CAMK1D: variants seen among roughly 807,000 people sequenced by gnomAD.
CAMK1D encodes the protein calcium/calmodulin dependent protein kinase ID, also known as calcium/calmodulin-dependent protein kinase type 1D.
Under a neutral mutation model 47.7 loss-of-function variants are expected in CAMK1D, and 9 were observed. That is an observed-to-expected ratio of 0.19 (90% CI 0.11 to 0.33). The LOEUF (loss-of-function observed/expected upper bound fraction) is 0.33, where lower values mean the gene tolerates loss of function less well. CAMK1D is among the 10% of genes least tolerant of loss of function. CAMK1D has a pLI of 1.00. For synonymous variants in CAMK1D, 184 were observed against 184.9 expected (o/e 0.99, Z 0.04); for missense variants, 291 against 488.7 (o/e 0.60, Z 3.81).
chr10:12,559,700 C>T (rs771320081), intron 2 of CAMK1D, among the ~76,000 whole-genome samples: 4 of 152,152 alleles, frequency 2.6e-5, no homozygotes, highest in African/African-American at 9.7e-5. Flanking sequence ...GGAGCAGGCA[C>T]CAGCCACTGA....
intron 1 of CAMK1D, among the ~76,000 whole-genome samples, chr10:12,503,351 A>T (rs1834765907): frequency 4.6e-5 from 7 of 152,216 alleles, no homozygotes; most frequent in Admixed American, 2.0e-4. Context: ...GACATGAGTG[A>T]ACGTAAAACA....
chr10:12,606,953 T>C (rs1417813473), intron 2 of CAMK1D, among the ~76,000 whole-genome samples: 1 of 152,088 alleles, frequency 6.6e-6, no homozygotes, highest in East Asian at 1.9e-4. Flanking sequence ...TCAGCCTCCC[T>C]AGTAGCTGGG....
At chr10:12,708,020 G>T (rs933519021) in intron 3 of CAMK1D, among the ~76,000 whole-genome samples, 1 of 152,178 alleles carries the variant, frequency 6.6e-6, no homozygotes, top group Non-Finnish European at 1.5e-5. Flanking sequence ...AAGAGTGACC[G>T]AGGCAGCATT....
intron 1 of CAMK1D, among the ~76,000 whole-genome samples, chr10:12,521,513 A>G (rs890870821): frequency 7.2e-5 from 11 of 152,182 alleles, no homozygotes; most frequent in African/African-American, 2.7e-4. Flanking sequence ...AGTTTGATTT[A>G]TATATGTAGT....
chr10:12,534,296 G>A (rs887877356), intron 1 of CAMK1D, among the ~76,000 whole-genome samples: 16 of 151,214 alleles, frequency 1.1e-4, no homozygotes, highest in African/African-American at 3.6e-4. Context: ...TGCAACCTCC[G>A]CCTCCCAGGT....
At chr10:12,422,884 G>T (rs1319327475) in intron 1 of CAMK1D, among the ~76,000 whole-genome samples, 2 of 152,010 alleles carry the variant, frequency 1.3e-5, no homozygotes, top group Non-Finnish European at 2.9e-5. Context: ...TGTTGATCAG[G>T]CTGGTTTCGA....
chr10:12,652,111 G>C (rs1019569937), intron 2 of CAMK1D, among the ~76,000 whole-genome samples: 1 of 152,090 alleles, frequency 6.6e-6, no homozygotes, highest in Non-Finnish European at 1.5e-5. Flanking sequence ...TCTTCTCTTT[G>C]TATTTGAAAA....
At chr10:12,574,768 G>A (rs1172242321) in intron 2 of CAMK1D, among the ~76,000 whole-genome samples, 1 of 152,090 alleles carries the variant, frequency 6.6e-6, no homozygotes, top group Non-Finnish European at 1.5e-5. Flanking sequence ...CAAACATAGA[G>A]GCTTCTGCTT....
At chr10:12,443,634 T>TA (rs916447555) in intron 1 of CAMK1D, among the ~76,000 whole-genome samples, 45 of 152,156 alleles carry the variant, frequency 3.0e-4, no homozygotes, top group African/African-American at 1.1e-3. Context: ...TATTTTATTT[T>TA]TTTTTTTATT....
chr10:12,691,900 GTAAATTACATCC>G (rs1832947199), intron 3 of CAMK1D, among the ~76,000 whole-genome samples: 1 of 152,206 alleles, frequency 6.6e-6, no homozygotes, highest in South Asian at 2.1e-4. Flanking sequence ...GTTATTACTT[GTAAATTACATCC>G]TATGGTATAA....
chr10:12,789,801 A>G (rs1406402053), intron 5 of CAMK1D, among the ~76,000 whole-genome samples: 1 of 117,320 alleles, frequency 8.5e-6, no homozygotes, highest in Non-Finnish European at 2.2e-5. Context: ...TCAGAATCCA[A>G]CAAGTACTTT....
At chr10:12,708,225 A>G (rs1358210496) in intron 3 of CAMK1D, among the ~76,000 whole-genome samples, 1 of 152,166 alleles carries the variant, frequency 6.6e-6, no homozygotes, top group Non-Finnish European at 1.5e-5. Flanking sequence ...TGGGGCTAGT[A>G]TCCTGCAATG....
intron 2 of CAMK1D, among the ~76,000 whole-genome samples, chr10:12,603,824 T>G (rs564299855): frequency 6.6e-6 from 1 of 152,310 alleles, no homozygotes; most frequent in Admixed American, 6.5e-5. Context: ...CTTTGCTGTT[T>G]CATCTTTCCC....
intron 3 of CAMK1D, among the ~76,000 whole-genome samples, chr10:12,709,128 T>C (rs529039083): frequency 6.6e-6 from 1 of 152,186 alleles, no homozygotes; most frequent in East Asian, 1.9e-4. Context: ...GAGTCACCTA[T>C]GTGGGGGGCG....
chr10:12,509,485 G>A (rs1215841985), intron 1 of CAMK1D, among the ~76,000 whole-genome samples: 1 of 152,180 alleles, frequency 6.6e-6, no homozygotes, highest in Non-Finnish European at 1.5e-5. Context: ...AGTGGCTCAC[G>A]CCTGTAACCC....
intron 2 of CAMK1D, among the ~76,000 whole-genome samples, chr10:12,633,129 C>T (rs903367424): frequency 6.6e-6 from 1 of 152,164 alleles, no homozygotes; most frequent in African/African-American, 2.4e-5. Context: ...AGGAGCTGAG[C>T]GTGGCGGAGA....
At chr10:12,690,285 A>G (rs118043041) in intron 3 of CAMK1D, among the ~76,000 whole-genome samples, 102 of 152,266 alleles carry the variant, frequency 6.7e-4, no homozygotes, top group Non-Finnish European at 1.4e-3. Context: ...CTCAGTATCT[A>G]TTATGGAGGT....
At chr10:12,514,177 A>C (rs1170394762) in intron 1 of CAMK1D, among the ~76,000 whole-genome samples, 1 of 152,210 alleles carries the variant, frequency 6.6e-6, no homozygotes, top group Non-Finnish European at 1.5e-5. Flanking sequence ...GAATGCTCAT[A>C]GCAACCAGCT....
intron 3 of CAMK1D, among the ~76,000 whole-genome samples, chr10:12,668,309 G>C (rs140608869): frequency 1.4e-3 from 212 of 152,326 alleles, no homozygotes; most frequent in African/African-American, 4.7e-3. Context: ...CCCGCAAAAT[G>C]TTAGCTGTGT....
Sources: gnomAD v4.1 joint callset for allele counts (sites outside exome capture counted in the v4.1 genomes callset) on GRCh38, gnomAD v4.1.1 for gene constraint, MANE v1.5 for transcripts, NCBI Gene and HGNC (gene_info 2026-07-23, HGNC 2026-07-21) for gene names.